Variants in PLEKHA8 observed in about 807,000 individuals in gnomAD.
PLEKHA8 encodes the protein pleckstrin homology domain containing A8, also known as pleckstrin homology domain-containing family A member 8.
Under a neutral mutation model 68.2 loss-of-function variants are expected in PLEKHA8, and 36 were observed. That is an observed-to-expected ratio of 0.53 (90% CI 0.40 to 0.70). The LOEUF is 0.70. PLEKHA8 is among the 30% of genes least tolerant of loss of function. PLEKHA8 has a pLI of 0.00. For synonymous variants in PLEKHA8, 211 were observed against 216.1 expected, an observed-to-expected ratio of 0.98 and a Z score of 0.20; for missense variants, 505 against 615.4, an observed-to-expected ratio of 0.82 and a Z score of 1.90.
chr7:30,100,588 T>G (rs923050965), intron 13 of PLEKHA8, among the ~76,000 whole-genome samples: 2 of 151,978 alleles, frequency 1.3e-5, no homozygotes, highest in African/African-American at 4.8e-5. Context: ...ATAAATCTTA[T>G]AGAGGAACAC....
downstream of PLEKHA8, among the ~76,000 whole-genome samples, chr7:30,089,033 C>T (rs2128004489): frequency 6.6e-6 from 1 of 152,144 alleles, no homozygotes; most frequent in African/African-American, 2.4e-5. Flanking sequence ...GGCTGTGTCC[C>T]CCGTACATAC....
At chr7:30,056,447 G>A (rs1410464286) in intron 9 of PLEKHA8, among the ~76,000 whole-genome samples, 2 of 145,664 alleles carry the variant, frequency 1.4e-5, no homozygotes, top group African/African-American at 5.0e-5. Flanking sequence ...TGTATGTTAT[G>A]GCTGGGCACA....
At chr7:30,117,992 G>A in intron 13 of PLEKHA8, 3 of 1,530,926 alleles carry the variant, frequency 2.0e-6, no homozygotes, top group South Asian at 2.4e-5. Context: ...GTCTGATGGT[G>A]GCCCAGGAGG....
At chr7:30,033,239 A>G (rs778340261) in intron 1 of PLEKHA8, among the ~76,000 whole-genome samples, 11 of 152,184 alleles carry the variant, frequency 7.2e-5, no homozygotes, top group Non-Finnish European at 1.0e-4. Context: ...TATTACCATG[A>G]TCAATTTTAG....
intron 12 of PLEKHA8, 96 bp from the exon 13 acceptor site, chr7:30,073,975 G>C: frequency 1.0e-6 from 1 of 983,076 alleles, no homozygotes; most frequent in Non-Finnish European, 1.5e-6. Context: ...GACAGAGCAA[G>C]ACCCTGTCTC....
intron 13 of PLEKHA8, among the ~76,000 whole-genome samples, chr7:30,097,146 A>G (rs1193205351): frequency 6.6e-6 from 1 of 152,182 alleles, no homozygotes; most frequent in African/African-American, 2.4e-5. Flanking sequence ...AGAATGTTGA[A>G]TATCGGCCCC....
intron 11 of PLEKHA8, 121 bp from the exon 12 acceptor site, chr7:30,062,551 G>C: frequency 1.4e-6 from 1 of 724,584 alleles, no homozygotes; most frequent in Non-Finnish European, 2.5e-6. Flanking sequence ...CATATGATTT[G>C]ACCTATTCAC....
intron 13 of PLEKHA8, among the ~76,000 whole-genome samples, chr7:30,110,092 A>G (rs564819314): frequency 6.6e-6 from 1 of 152,200 alleles, no homozygotes; most frequent in Admixed American, 6.5e-5. Context: ...TATATTTACA[A>G]GATTGTGTAG....
intron 13 of PLEKHA8, among the ~76,000 whole-genome samples, chr7:30,113,794 G>A (rs1430763502): frequency 1.3e-5 from 2 of 151,976 alleles, no homozygotes; most frequent in Admixed American, 6.6e-5. Context: ...TCCTCAGATG[G>A]GACTTCTAAT....
At chr7:30,033,271 A>G (rs183969112) in intron 1 of PLEKHA8, among the ~76,000 whole-genome samples, 114 of 152,362 alleles carry the variant, frequency 7.5e-4, no homozygotes, top group African/African-American at 2.5e-3. Context: ...TATCCCAGAA[A>G]GAAACCCAGT....
At chr7:30,077,467 A>G (rs998805798) in intron 13 of PLEKHA8, among the ~76,000 whole-genome samples, 14 of 152,200 alleles carry the variant, frequency 9.2e-5, no homozygotes, top group African/African-American at 3.4e-4. Flanking sequence ...TGTGCCAGGC[A>G]GTGGGCTAAA....
intron 13 of PLEKHA8, among the ~76,000 whole-genome samples, chr7:30,100,313 G>A (rs924563456): frequency 6.6e-6 from 1 of 152,174 alleles, no homozygotes; most frequent in Non-Finnish European, 1.5e-5. Flanking sequence ...TACTTTGGGA[G>A]GCCAAGGAGG....
rs572527721 is a variant in PLEKHA8, at chr7:30,058,086, C to T, written c.1039+2744C>T. On this transcript the variant is annotated intron_variant, in intron 9 of 13. Transcript: ENST00000449726. ...GCACTTTTTTTTTATAATTATTGGC[C>T]ATCCCTATCTCTTCCATTGTGAAAT... 2.6e-5 allele frequency among the ~76,000 whole-genome samples: 4 copies of T among 152,096 alleles called. No homozygotes were observed. In the East Asian group the frequency reaches 7.7e-4, roughly 29 times the overall value.
exon 13 of PLEKHA8, chr7:30,090,718 T>C: frequency 1.5e-6 from 1 of 689,318 alleles, no homozygotes. Context: ...TGGTAATCTT[T>C]TAAATAAACA....
In PLEKHA8 at chr7:30,028,661, TG is replaced by T; in HGVS notation, c.-99del. ...GGCCCGGGCGCCGGGAGTGGGCGTC[TG>T]GGCAGCGCCAGGCGATGGCCCTGCT... On this transcript the variant is annotated 5_prime_UTR_variant, in exon 1 of 14. Transcript: ENST00000449726. The T allele has an allele frequency of 1.0e-6, 1 of 957,584 alleles. No individual in the cohort carries two copies. 59.3% of individuals were successfully genotyped at this position (957,584 alleles called of 1,614,324 possible). A position where few individuals can be genotyped will look rare whatever the true frequency, so the allele number is the denominator to read the frequency against.
intron 13 of PLEKHA8, among the ~76,000 whole-genome samples, chr7:30,124,741 A>G (rs2391821): frequency 0.15 from 22,067 of 152,116 alleles, 1,619 homozygotes; most frequent in Middle Eastern, 0.2. Flanking sequence ...GTTTTCACTT[A>G]TGAAAGAGCA....
chr7:30,077,931 C>A (rs1794709663), intron 13 of PLEKHA8, among the ~76,000 whole-genome samples: 1 of 152,056 alleles, frequency 6.6e-6, no homozygotes, highest in Non-Finnish European at 1.5e-5. Flanking sequence ...CAGAGATGAT[C>A]CAAGTTCAGA....
rs1184913910 is a variant in PLEKHA8, at chr7:30,068,675, CTGTGGCT to C, written c.1301-5393_1301-5387del. On this transcript the variant is annotated intron_variant, in intron 12 of 13. Coordinates refer to ENST00000449726, the MANE Select transcript of PLEKHA8 (RefSeq NM_001197026.2). Reference sequence around the variant, plus strand: ...ATGGGTTAAAATGTCTTCTGTCAGTCTGTGGCTTGCGTTTGCTCTTTATCTATGGTGT... The same window carrying C: ...ATGGGTTAAAATGTCTTCTGTCAGTCTGCGTTTGCTCTTTATCTATGGTGT... 4.6e-5 allele frequency among the ~76,000 whole-genome samples: 7 copies of C among 152,120 alleles called. No individual in the cohort carries two copies. In the East Asian group the frequency reaches 1.2e-3, roughly 25 times the overall value.
intron 13 of PLEKHA8, among the ~76,000 whole-genome samples, chr7:30,124,346 T>TCTTAGTATTATA (rs747212800): frequency 4.1e-4 from 62 of 152,322 alleles, no homozygotes; most frequent in Non-Finnish European, 7.6e-4. Flanking sequence ...ATAAATAATA[T>TCTTAGTATTATA]CTTAGTATTA....
Sources: gnomAD v4.1 joint callset for allele counts (sites outside exome capture counted in the v4.1 genomes callset) on GRCh38, gnomAD v4.1.1 for gene constraint, MANE v1.5 for transcripts, NCBI Gene and HGNC (gene_info 2026-07-23, HGNC 2026-07-21) for gene names.